ZKSCAN2: variants seen among roughly 807,000 people sequenced by gnomAD.
The protein encoded by ZKSCAN2 is zinc finger protein with KRAB and SCAN domains 2.
Under a neutral mutation model 90.5 loss-of-function variants are expected in ZKSCAN2, and 38 were observed. The ratio of observed to expected loss-of-function variants is 0.42; its 90% CI spans 0.32 to 0.55. The LOEUF (loss-of-function observed/expected upper bound fraction) is 0.55. Among genes scored for constraint, ZKSCAN2 ranks in the 20% least tolerant of loss-of-function variants. ZKSCAN2 has a pLI of 0.11. For synonymous variants in ZKSCAN2, 429 were observed against 421.6 expected (o/e 1.02, Z -0.22); for missense variants, 1,167 against 1,202.6 (o/e 0.97, Z 0.44).
At chr16:25,252,151 G>A (rs989404223) in intron 3 of ZKSCAN2, 116 bp from the exon 4 acceptor site, 9 of 1,184,280 alleles carry the variant, frequency 7.6e-6, no homozygotes, top group African/African-American at 6.2e-5. Flanking sequence ...GGAACAAGTG[G>A]ATAGTTTGCG....
rs1962791973 is a variant in ZKSCAN2 at position 25,237,749 on chromosome 16, A to G, written c.*2067T>C. The G allele has an allele frequency of 1.3e-5, 2 of 152,256 alleles. No homozygotes were observed. Among genetic ancestry groups the G allele is most frequent in the Non-Finnish European group, 2.9e-5 (2 of 68,050 alleles). 9.4% of individuals were successfully genotyped at this position (152,256 alleles called of 1,614,324 possible). On this transcript the variant is annotated 3_prime_UTR_variant, in exon 7 of 7. Coordinates refer to ENST00000328086, the MANE Select transcript of ZKSCAN2 (RefSeq NM_001012981.5). Reference sequence around the variant, plus strand: ...ATGTAACAGTGCTTCATATTTATGAATAAGTCATCTACTTTCCTGAATCAT... The same window carrying G: ...ATGTAACAGTGCTTCATATTTATGAGTAAGTCATCTACTTTCCTGAATCAT...
intron 5 of ZKSCAN2, among the ~76,000 whole-genome samples, chr16:25,246,052 T>C (rs1962929087): frequency 6.6e-6 from 1 of 152,220 alleles, no homozygotes; most frequent in Admixed American, 6.5e-5. Context: ...TAACACCAGC[T>C]CTCTTTTGCA....
At chr16:25,244,747 C>T (rs1962908852) in intron 5 of ZKSCAN2, among the ~76,000 whole-genome samples, 1 of 152,132 alleles carries the variant, frequency 6.6e-6, no homozygotes, top group Admixed American at 6.5e-5. Flanking sequence ...AATTTCCTAC[C>T]ACTTCTGTAA....
rs28660000 is a variant in ZKSCAN2, at chr16:25,252,838, C to A, written c.678+108G>T. 366 of 880,592 alleles carry A rather than the reference C, an allele frequency of 4.2e-4. 2 individuals are homozygous for A. The African/African-American group carries it at 5.6e-3, about 14-fold the overall frequency. The allele number at this position is 880,592 out of a possible 1,614,324, so 54.5% of individuals were successfully genotyped here. ...GCTGAGGCAGGAGAATCGCTTGAAC[C>A]CAGGAGGCAGAGGTGGTTGCAGTGA... On this transcript the variant is annotated intron_variant, in intron 3 of 6. Transcript: ENST00000328086.
intron 6 of ZKSCAN2, among the ~76,000 whole-genome samples, chr16:25,243,011 G>A (rs1243817992): frequency 6.6e-6 from 1 of 152,260 alleles, no homozygotes; most frequent in Non-Finnish European, 1.5e-5. Flanking sequence ...ACTAGTGACA[G>A]GCCCACGAGG....
In ZKSCAN2 at chr16:25,247,331, T is replaced by A. The variant is rs148509747; in HGVS notation, c.865A>T (p.Thr289Ser). ...TRLEQRKEPW[T>S]LGLHSSNKRS... ...TTGTTAGAGGAATGCAGACCTAGAG[T>A]CCATGGCTCCTTTCTCTGTTCCAAC... is the stretch of plus-strand genomic sequence containing the variant. The change falls in exon 5 of 7, where the codon ACT (threonine) becomes TCT (serine). Residue 289 changes from threonine to serine, a missense_variant. Thr to Ser is a moderately conservative substitution (Grantham distance 58). Coordinates refer to ENST00000328086, the MANE Select transcript of ZKSCAN2 (RefSeq NM_001012981.5). 1.1e-4 allele frequency: 172 copies of A among 1,613,420 alleles called. No homozygotes were observed. The highest frequency in any genetic ancestry group is 4.8e-4 in the Admixed American group (29 of 59,992).
Position 25,257,618 on chromosome 16 carries a change from C to T in ZKSCAN2, c.-491G>A. The T allele has an allele frequency of 1.6e-6, 1 of 630,186 alleles. No homozygotes were observed. The highest frequency in any genetic ancestry group is 2.0e-6 in the Non-Finnish European group (1 of 505,462). The allele number at this position is 630,186 out of a possible 1,614,324, so 39.0% of individuals were successfully genotyped here. A position where few individuals can be genotyped will look rare whatever the true frequency, so the allele number is the denominator to read the frequency against. On this transcript the variant is annotated 5_prime_UTR_variant, in exon 1 of 7. Coordinates refer to ENST00000328086, the MANE Select transcript of ZKSCAN2 (RefSeq NM_001012981.5). Reference sequence around the variant, plus strand: ...TCACCGCAGCACGTCCAGGCCGCCGCGGGTGCCGCTGGGGCCGCCGGATTC... The same window carrying T: ...TCACCGCAGCACGTCCAGGCCGCCGTGGGTGCCGCTGGGGCCGCCGGATTC...
intron 1 of ZKSCAN2, among the ~76,000 whole-genome samples, chr16:25,256,015 C>G (rs1193654961): frequency 6.6e-6 from 1 of 152,218 alleles, no homozygotes; most frequent in East Asian, 1.9e-4. Context: ...TGAATATATA[C>G]AGTAGTGAAA....
Position 25,238,708 on chromosome 16 carries a change from G to T in ZKSCAN2, c.*1108C>A, listed in dbSNP as rs1011817100. ...ACTGGGAGATTTAACAGCCAGACCT[G>T]AGAGCGCTGGTCTAAGCTGAGGTGG... is the stretch of plus-strand genomic sequence containing the variant. On this transcript the variant is annotated 3_prime_UTR_variant, in exon 7 of 7. Transcript: ENST00000328086. 1.3e-5 allele frequency: 2 copies of T among 152,184 alleles called. No homozygotes were observed. Among genetic ancestry groups the T allele is most frequent in the African/African-American group, 4.8e-5 (2 of 41,436 alleles). 9.4% of individuals were successfully genotyped at this position (152,184 alleles called of 1,614,324 possible). A position where few individuals can be genotyped will look rare whatever the true frequency, so the allele number is the denominator to read the frequency against.
Position 25,244,186 on chromosome 16 carries a change from T to C in ZKSCAN2, c.1580A>G (p.Lys527Arg). The C allele has an allele frequency of 6.2e-7, 1 of 1,614,146 alleles. No homozygotes were observed. Among genetic ancestry groups the C allele is most frequent in the Non-Finnish European group, 8.5e-7 (1 of 1,180,006 alleles). The change falls in exon 6 of 7, where the codon AAG (lysine) becomes AGG (arginine). Residue 527 changes from lysine (K) to arginine (R), a missense_variant. Coordinates refer to ENST00000328086, the MANE Select transcript of ZKSCAN2 (RefSeq NM_001012981.5). ...FYEALQACHRKSKLYGAVAEQ... is the reference protein window; with the variant it reads ...FYEALQACHRRSKLYGAVAEQ... The stretch of plus-strand genomic sequence containing the variant: ...AGCTACAGCCCCATACAATTTGCTC[T>C]TCCGATGACAGGCTTGAAGCGCTTC...
intron 5 of ZKSCAN2, 99 bp downstream of exon 5, chr16:25,246,608 G>A (rs1962936634): frequency 1.6e-6 from 2 of 1,255,962 alleles, no homozygotes; most frequent in Non-Finnish European, 2.3e-6. Context: ...TGAGGTGTGT[G>A]TGACAGCACC....
Position 25,239,322 on chromosome 16 carries a change from CTCT to C in ZKSCAN2, c.*491_*493del, listed in dbSNP as rs1962812594. On this transcript the variant is annotated 3_prime_UTR_variant, in exon 7 of 7. Coordinates refer to ENST00000328086, the MANE Select transcript of ZKSCAN2 (RefSeq NM_001012981.5). Reference sequence around the variant, plus strand: ...TCTGAGGAAAGCTATAAAATCTTCACTCTTCTTTTGTGGATCTCTTCAAAACCA... The same window carrying C: ...TCTGAGGAAAGCTATAAAATCTTCACTCTTTTGTGGATCTCTTCAAAACCA... The C allele has an allele frequency of 6.6e-6, 1 of 152,194 alleles. No homozygotes were observed. The highest frequency in any genetic ancestry group is 2.4e-5 in the African/African-American group (1 of 41,292). 9.4% of individuals were successfully genotyped at this position (152,194 alleles called of 1,614,324 possible). A position where few individuals can be genotyped will look rare whatever the true frequency, so the allele number is the denominator to read the frequency against.
Position 25,255,194 on chromosome 16 carries a change from C to CT in ZKSCAN2, c.586+11dup. ...CCTCTGCACTAGGCGTGCTCCGAGTCTTCCCTCTTACCATTCTTGGGTAAG... is the reference window on the plus strand; with the variant it reads ...CCTCTGCACTAGGCGTGCTCCGAGTCTTTCCCTCTTACCATTCTTGGGTAAG... On this transcript the variant is annotated intron_variant, in intron 2 of 6. Transcript: ENST00000328086. 6.3e-7 allele frequency: 1 copy of CT among 1,594,008 alleles called. No individual in the cohort carries two copies. Among genetic ancestry groups the CT allele is most frequent in the Non-Finnish European group, 8.5e-7 (1 of 1,172,710 alleles).
rs1323714206 is a variant in ZKSCAN2 at position 25,246,800 on chromosome 16, C to T, written c.1396G>A (p.Ala466Thr). 6.2e-7 allele frequency: 1 copy of T among 1,614,100 alleles called. No individual in the cohort carries two copies. The highest frequency in any genetic ancestry group is 1.3e-5 in the African/African-American group (1 of 74,944). Residue 466 changes from alanine to threonine, a missense_variant, in exon 5 of 7, where the codon GCT (alanine) becomes ACT (threonine). Transcript: ENST00000328086. ...TCATCATCATCAGAATCTTCTGCAG[C>T]TTCCTCCTCCTCCACCAAGCTGATG... ...EHISLVEEEE[A>T]AEDSDDDEIG...
rs1368721204 is a variant in ZKSCAN2, at chr16:25,236,124, TG to T, written c.*3691del. 1 of 152,238 alleles carries T rather than the reference TG, an allele frequency of 6.6e-6. No homozygotes were observed. Among genetic ancestry groups the T allele is most frequent in the Admixed American group, 6.5e-5 (1 of 15,286 alleles). The allele number at this position is 152,238 out of a possible 1,614,324, so 9.4% of individuals were successfully genotyped here. The stretch of plus-strand genomic sequence containing the variant: ...ATGGACATCCATTTGCACCAGGTCT[TG>T]GAATGCATTCAGAGGCAGAGGCTTC... On this transcript the variant is annotated 3_prime_UTR_variant, in exon 7 of 7. Coordinates refer to ENST00000328086, the MANE Select transcript of ZKSCAN2 (RefSeq NM_001012981.5).
At chr16:25,242,504 TCA>T (rs1200569169) in intron 6 of ZKSCAN2, among the ~76,000 whole-genome samples, 3 of 152,150 alleles carry the variant, frequency 2.0e-5, no homozygotes, top group South Asian at 2.1e-4. Context: ...CTTCAGGAGC[TCA>T]CCATGTCTGG....
At chr16:25,253,606 T>G (rs759506570) in intron 2 of ZKSCAN2, among the ~76,000 whole-genome samples, 4 of 152,244 alleles carry the variant, frequency 2.6e-5, no homozygotes, top group Non-Finnish European at 1.5e-5. Flanking sequence ...TAAAAATAAT[T>G]GTGCCATTCT....
rs1021622398 is a variant in ZKSCAN2 at position 25,238,337 on chromosome 16, CTACA to C, written c.*1475_*1478del. The C allele has an allele frequency of 2.0e-5, 3 of 152,220 alleles. No homozygotes were observed. Among genetic ancestry groups the C allele is most frequent in the African/African-American group, 7.2e-5 (3 of 41,440 alleles). 9.4% of individuals were successfully genotyped at this position (152,220 alleles called of 1,614,324 possible). The stretch of plus-strand genomic sequence containing the variant: ...CCAAAGCAAAGCCACCCTGGGTCAC[CTACA>C]TACTAAGGGAATAAACGCCACTGAC... On this transcript the variant is annotated 3_prime_UTR_variant, in exon 7 of 7. Transcript: ENST00000328086.
Position 25,239,594 on chromosome 16 carries a change from G to GT in ZKSCAN2, c.*221dup. ...GTATTTCATTCTGAACTCGGACAAT[G>GT]TATCTTCGCCACATTCTTAAAGGAG... On this transcript the variant is annotated 3_prime_UTR_variant, in exon 7 of 7. Transcript: ENST00000328086. 1 of 471,024 alleles carries GT rather than the reference G, an allele frequency of 2.1e-6. No individual in the cohort carries two copies. The highest frequency in any genetic ancestry group is 3.7e-6 in the Non-Finnish European group (1 of 267,604). 29.2% of individuals were successfully genotyped at this position (471,024 alleles called of 1,614,324 possible).
Sources: allele counts gnomAD v4.1 joint callset (sites outside exome capture counted in the v4.1 genomes callset), GRCh38; gene constraint gnomAD v4.1.1; transcripts MANE v1.5; gene names NCBI Gene and HGNC (gene_info 2026-07-23, HGNC 2026-07-21).